ADAM19: variants seen among roughly 807,000 people sequenced by gnomAD.
ADAM19 encodes the protein disintegrin and metalloproteinase domain-containing protein 19.
A neutral mutation model predicts 114.7 loss-of-function variants in ADAM19; 65 were observed. The observed-to-expected ratio is 0.57, with a 90% CI of 0.46 to 0.70. The LOEUF is 0.70. Among genes scored for constraint, ADAM19 ranks in the 30% least tolerant of loss-of-function variants. The probability of loss-of-function intolerance (pLI) is 0.00; values close to 1 mark genes in which losing one functional copy is unlikely to be tolerated. For synonymous variants in ADAM19, 466 were observed against 460.5 expected, an observed-to-expected ratio of 1.01 and a Z score of -0.15; for missense variants, 1,063 against 1,204.7, an observed-to-expected ratio of 0.88 and a Z score of 1.74.
intron 16 of ADAM19, 80 bp from the exon 17 acceptor site, chr5:157,491,992 G>A (rs1755182238): frequency 9.4e-6 from 13 of 1,387,248 alleles, no homozygotes; most frequent in Non-Finnish European, 1.1e-5. Context: ...TTTGCACTTG[G>A]AACATATGAG....
intron 7 of ADAM19, 36 bp from the exon 8 acceptor site, chr5:157,513,541 A>G: frequency 6.3e-7 from 1 of 1,576,478 alleles, no homozygotes; most frequent in Non-Finnish European, 8.7e-7. Context: ...GAGATCCCAG[A>G]ACCTCTCACA....
Position 157,509,445 on chromosome 5 carries a change from C to T in ADAM19, c.761G>A (p.Arg254Gln), listed in dbSNP as rs1755846122. The stretch of plus-strand genomic sequence containing the variant: ...CACTTCCAAGCCCACGAGAGCAATC[C>T]GGATGTTCAAGGATCGGTAAAACTG... ...VDKFYRSLNI[R>Q]IALVGLEVWT... The change falls in exon 9 of 23, where the codon CGG becomes CAG. Residue 254 changes from arginine (R) to glutamine (Q), a missense_variant. By Grantham distance (43) the Arg-to-Gln change is conservative. This residue lies in a region of ADAM19 where 615 missense variants were observed against 706.3 expected (regional missense o/e 0.87). Transcript: ENST00000257527. The T allele has an allele frequency of 2.5e-6, 4 of 1,603,158 alleles. No individual in the cohort carries two copies. The highest frequency in any genetic ancestry group is 1.3e-5 in the African/African-American group (1 of 74,878).
At chr5:157,530,909 G>C in intron 4 of ADAM19, 26 bp from the exon 5 acceptor site, 1 of 1,594,540 alleles carries the variant, frequency 6.3e-7, no homozygotes, top group Non-Finnish European at 8.6e-7. Context: ...GAGGTGGTCA[G>C]GCTAAAGAAC....
At chr5:157,557,976 C>T (rs927806885) in intron 3 of ADAM19, among the ~76,000 whole-genome samples, 2 of 152,208 alleles carry the variant, frequency 1.3e-5, no homozygotes, top group Non-Finnish European at 2.9e-5. Flanking sequence ...TAAAAAATCA[C>T]ATCAGACTGG....
At position 157,493,103 on chromosome 5, in the gene ADAM19, T is replaced by A. The variant is rs758774350; in HGVS notation, c.1778A>T (p.Asp593Val). The A allele has an allele frequency of 1.6e-5, 26 of 1,614,068 alleles. 1 individual carries two copies. The highest frequency in any genetic ancestry group is 2.5e-6 in the Non-Finnish European group (3 of 1,180,034). The change falls in exon 16 of 23, where the codon GAC becomes GTC. Residue 593 changes from aspartate to valine, a missense_variant. Coordinates refer to ENST00000257527, the MANE Select transcript of ADAM19 (RefSeq NM_033274.5). ...CCTCCCATTCATGATGATAGTGGTG[T>A]CAATGGGCACCGCGTTGGACTCCAG... is the stretch of plus-strand genomic sequence containing the variant. The part of the protein sequence containing the change: ...RPLESNAVPI[D>V]TTIIMNGRQI...
intron 4 of ADAM19, 81 bp from the exon 5 acceptor site, chr5:157,530,964 G>T: frequency 2.4e-6 from 3 of 1,230,146 alleles, no homozygotes; most frequent in Non-Finnish European, 2.4e-6. Context: ...GGTCATGGAT[G>T]ACTCATGGCT....
In ADAM19 at chr5:157,477,913, C is replaced by G; in HGVS notation, c.*3036G>C. The G allele has an allele frequency of 2.9e-6, 1 of 339,678 alleles. No homozygotes were observed. Among genetic ancestry groups the G allele is most frequent in the South Asian group, 2.4e-5 (1 of 41,492 alleles). 21.0% of individuals were successfully genotyped at this position (339,678 alleles called of 1,614,324 possible). The stretch of plus-strand genomic sequence containing the variant: ...CTCAGACCTTAAGATCTGCAAGTGT[C>G]TCAGAGCTGGGGCAGAAAAAGGCTT... On this transcript the variant is annotated 3_prime_UTR_variant, in exon 23 of 23. Coordinates refer to ENST00000257527, the MANE Select transcript of ADAM19 (RefSeq NM_033274.5).
intron 12 of ADAM19, among the ~76,000 whole-genome samples, chr5:157,500,325 T>C (rs1010773267): frequency 3.3e-5 from 5 of 152,180 alleles, no homozygotes; most frequent in Non-Finnish European, 5.9e-5. Context: ...ATTTTGAGTA[T>C]GAATATTTTT....
Position 157,496,989 on chromosome 5 carries a change from T to G in ADAM19, c.1499A>C (p.Gln500Pro), listed in dbSNP as rs1755385498. ...GCCCTCACAGGGGGTACCATCCATCTGGTAGAAGTTGGTAGGGCAGTGGGG... is the reference window on the plus strand; with the variant it reads ...GCCCTCACAGGGGGTACCATCCATCGGGTAGAAGTTGGTAGGGCAGTGGGG... ...KSPHCPTNFY[Q>P]MDGTPCEGGQ... Residue 500 changes from glutamine (Q) to proline (P), a missense_variant, in exon 14 of 23, where the codon CAG (glutamine) becomes CCG (proline). Physicochemically the swap from Gln to Pro is moderately conservative, Grantham distance 76. This residue lies in a region of ADAM19 where 615 missense variants were observed against 706.3 expected (regional missense o/e 0.87). Coordinates refer to ENST00000257527, the MANE Select transcript of ADAM19 (RefSeq NM_033274.5). The G allele has an allele frequency of 2.4e-5, 39 of 1,597,876 alleles. No individual in the cohort carries two copies. Among genetic ancestry groups the G allele is most frequent in the Non-Finnish European group, 3.2e-5 (38 of 1,173,188 alleles).
At chr5:157,532,791 C>T (rs1756661683) in intron 4 of ADAM19, among the ~76,000 whole-genome samples, 1 of 152,222 alleles carries the variant, frequency 6.6e-6, no homozygotes, top group South Asian at 2.1e-4. Context: ...CCTCCCAGCT[C>T]TAATCCTGAG....
At chr5:157,554,252 T>A (rs1393648203) in intron 3 of ADAM19, among the ~76,000 whole-genome samples, 1 of 152,198 alleles carries the variant, frequency 6.6e-6, no homozygotes, top group Non-Finnish European at 1.5e-5. Flanking sequence ...TTAGTTCGGA[T>A]AAGGGTCCAT....
In ADAM19 at chr5:157,481,876, A is replaced by C; in HGVS notation, c.2618T>G (p.Leu873Arg). 6.3e-7 allele frequency: 1 copy of C among 1,598,952 alleles called. No individual in the cohort carries two copies. Among genetic ancestry groups the C allele is most frequent in the Non-Finnish European group, 8.5e-7 (1 of 1,172,648 alleles). Residue 873 changes from leucine to arginine, a missense_variant, in exon 22 of 23, where the codon CTC becomes CGC. Leu to Arg is a moderately radical substitution (Grantham distance 102, BLOSUM62 -2). Coordinates refer to ENST00000257527, the MANE Select transcript of ADAM19 (RefSeq NM_033274.5). ...PANPVPGRRS[L>R]PRPGGASPLR... ...TGGGGATGCACCTCCTGGCCTGGGG[A>C]GGCTCCTGCGGCCTGGCACTGGGTT...
intron 13 of ADAM19, 97 bp downstream of exon 13, chr5:157,499,476 G>T: frequency 1.9e-6 from 2 of 1,054,410 alleles, no homozygotes; most frequent in Non-Finnish European, 2.9e-6. Flanking sequence ...CACAGCCCCA[G>T]GATGGAGGCA....
At chr5:157,496,695 G>T (rs184572564) in intron 14 of ADAM19, among the ~76,000 whole-genome samples, 199 bp downstream of exon 14, 30 of 152,272 alleles carry the variant, frequency 2.0e-4, no homozygotes, top group Admixed American at 1.7e-3. Flanking sequence ...TCCACTCTGA[G>T]AAATAAAAGC....
intron 10 of ADAM19, among the ~76,000 whole-genome samples, chr5:157,506,205 T>C (rs1363560613): frequency 6.6e-6 from 1 of 152,150 alleles, no homozygotes; most frequent in Non-Finnish European, 1.5e-5. Context: ...TGGCTTAGTG[T>C]TTCCTGAGAA....
chr5:157,570,763 G>A (rs1757796882), intron 2 of ADAM19, 132 bp downstream of exon 2: 1 of 681,754 alleles, frequency 1.5e-6, no homozygotes, highest in South Asian at 1.9e-5. Flanking sequence ...TCTCCAAAAT[G>A]GGCACCCAGA....
chr5:157,479,396 G>T lies in ADAM19; in HGVS notation c.*1553C>A. On this transcript the variant is annotated 3_prime_UTR_variant, in exon 23 of 23. Transcript: ENST00000257527. ...AAGAGCAAACAATTGCTCATGGCAGGATGGGAGGAGGCCCCAGGAAAGCCT... is the reference window on the plus strand; with the variant it reads ...AAGAGCAAACAATTGCTCATGGCAGTATGGGAGGAGGCCCCAGGAAAGCCT... The T allele has an allele frequency of 1.0e-6, 1 of 986,074 alleles. No individual in the cohort carries two copies. The highest frequency in any genetic ancestry group is 1.2e-6 in the Non-Finnish European group (1 of 830,124). The allele number at this position is 986,074 out of a possible 1,614,324, so 61.1% of individuals were successfully genotyped here. A position where few individuals can be genotyped will look rare whatever the true frequency, so the allele number is the denominator to read the frequency against.
Position 157,480,029 on chromosome 5 carries a change from G to A in ADAM19, c.*920C>T, listed in dbSNP as rs1400507409. The A allele has an allele frequency of 7.1e-6, 7 of 985,850 alleles. No individual in the cohort carries two copies. The highest frequency in any genetic ancestry group is 1.1e-4 in the East Asian group (1 of 8,826). 61.1% of individuals were successfully genotyped at this position (985,850 alleles called of 1,614,324 possible). A position where few individuals can be genotyped will look rare whatever the true frequency, so the allele number is the denominator to read the frequency against. On this transcript the variant is annotated 3_prime_UTR_variant, in exon 23 of 23. Transcript: ENST00000257527. ...AGCCAGTGAGGGAAATCCAGTGGCCGACTGTGAGAGAGGACTCTGACTTGT... is the reference window on the plus strand; with the variant it reads ...AGCCAGTGAGGGAAATCCAGTGGCCAACTGTGAGAGAGGACTCTGACTTGT...
chr5:157,479,562 C>T lies in ADAM19; in HGVS notation c.*1387G>A. On this transcript the variant is annotated 3_prime_UTR_variant, in exon 23 of 23. Transcript: ENST00000257527. ...AGCAAAGCACCACACGGCCCTCCTT[C>T]CCTGCTGCAGGGAAGACAGGAGCCA... is the stretch of plus-strand genomic sequence containing the variant. The T allele has an allele frequency of 1.0e-6, 1 of 985,840 alleles. No homozygotes were observed. Among genetic ancestry groups the T allele is most frequent in the East Asian group, 1.1e-4 (1 of 8,788 alleles). The allele number at this position is 985,840 out of a possible 1,614,324, so 61.1% of individuals were successfully genotyped here. A position where few individuals can be genotyped will look rare whatever the true frequency, so the allele number is the denominator to read the frequency against.
Sources: gnomAD v4.1 joint callset for allele counts (sites outside exome capture counted in the v4.1 genomes callset) on GRCh38, gnomAD v4.1.1 for gene constraint, gnomAD v4.1.1 regional missense constraint, MANE v1.5 for transcripts, NCBI Gene and HGNC (gene_info 2026-07-23, HGNC 2026-07-21) for gene names.